Variants in HBS1L observed in about 807,000 individuals in gnomAD.
HBS1L encodes the protein HBS1-like protein.
Under a neutral mutation model 88.9 loss-of-function variants are expected in HBS1L, and 55 were observed. The observed-to-expected ratio is 0.62, with a 90% CI of 0.50 to 0.77. The LOEUF (loss-of-function observed/expected upper bound fraction) is 0.77. HBS1L is among the 30% of genes least tolerant of loss of function. The pLI is 0.00. For missense variants in HBS1L, 741 were observed against 829.3 expected (o/e 0.89, Z 1.31); for synonymous variants, 267 against 288.5 (o/e 0.93, Z 0.76).
intron 12 of HBS1L, 30 bp from the exon 13 acceptor site, chr6:134,982,592 A>G: frequency 7.8e-7 from 1 of 1,276,132 alleles, no homozygotes; most frequent in African/African-American, 1.5e-5. Flanking sequence ...CTTATGGTTC[A>G]TACAGCAATG....
At chr6:135,039,910 C>T (rs781765683) in intron 3 of HBS1L, 143 bp from the exon 4 acceptor site, 51 of 637,378 alleles carry the variant, frequency 8.0e-5, no homozygotes, top group Non-Finnish European at 1.2e-4. Context: ...CTCTAATGAT[C>T]GTATTTTTAT....
chr6:135,035,295 C>CA (rs1169236888), intron 4 of HBS1L, among the ~76,000 whole-genome samples: 1 of 148,850 alleles, frequency 6.7e-6, no homozygotes, highest in African/African-American at 2.5e-5. Flanking sequence ...ACTAAAAATA[C>CA]AAAAATCAGC....
intron 15 of HBS1L, among the ~76,000 whole-genome samples, chr6:134,970,008 C>T (rs563200450): frequency 6.6e-6 from 1 of 152,252 alleles, no homozygotes; most frequent in Non-Finnish European, 1.5e-5. Context: ...ATACTGGGTA[C>T]AAACATTGTA....
chr6:135,035,363 T>C lies in HBS1L; in HGVS notation c.430+4210A>G, dbSNP rs181736640. On this transcript the variant is annotated intron_variant, in intron 4 of 17. Coordinates refer to ENST00000367837, the MANE Select transcript of HBS1L (RefSeq NM_006620.4). ...TACTCAGGAGGCTGAGTCAGGAGAA[T>C]CACTTGAACCCGGGAGGCGGAGGCT... Among the ~76,000 whole-genome samples the C allele has an allele frequency of 6.6e-3, 1,000 of 150,840 alleles. 6 individuals are homozygous for C. Among genetic ancestry groups the C allele is most frequent in the Middle Eastern group, 0.021 (6 of 292 alleles).
intron 15 of HBS1L, among the ~76,000 whole-genome samples, chr6:134,976,532 A>T (rs1405915193): frequency 6.6e-6 from 1 of 152,156 alleles, no homozygotes; most frequent in South Asian, 2.1e-4. Flanking sequence ...ATGAGTGGAT[A>T]GAGAAAACGT....
intron 2 of HBS1L, among the ~76,000 whole-genome samples, chr6:135,042,440 CTGT>C (rs1388694335): frequency 1.3e-5 from 2 of 152,208 alleles, no homozygotes; most frequent in East Asian, 3.9e-4. Flanking sequence ...GTATACTATT[CTGT>C]GTTCCCTGAA....
At chr6:135,050,301 A>G (rs566312397) in intron 2 of HBS1L, among the ~76,000 whole-genome samples, 18 of 152,332 alleles carry the variant, frequency 1.2e-4, no homozygotes, top group African/African-American at 4.3e-4. Context: ...TATTGACTAA[A>G]TTACCATTTT....
chr6:135,048,339 C>T (rs115287800), intron 2 of HBS1L, among the ~76,000 whole-genome samples: 2 of 152,192 alleles, frequency 1.3e-5, no homozygotes, highest in South Asian at 2.1e-4. Context: ...CCAGACAACA[C>T]GACCAGCCAG....
At chr6:135,025,796 A>G (rs578079735) in intron 4 of HBS1L, among the ~76,000 whole-genome samples, 2 of 152,232 alleles carry the variant, frequency 1.3e-5, no homozygotes, top group Non-Finnish European at 2.9e-5. Context: ...ATGATATCAA[A>G]TATAGCAAAG....
chr6:135,022,475 C>T (rs1776100893), intron 4 of HBS1L, among the ~76,000 whole-genome samples: 1 of 152,022 alleles, frequency 6.6e-6, no homozygotes, highest in South Asian at 2.1e-4. Context: ...TTCAGTTTTT[C>T]CAGTGTAGGT....
At chr6:134,992,679 T>C (rs557228360) in intron 8 of HBS1L, among the ~76,000 whole-genome samples, 1 of 152,290 alleles carries the variant, frequency 6.6e-6, no homozygotes, top group South Asian at 2.1e-4. Flanking sequence ...CGTACAGCTG[T>C]ACAACGTTTG....
At chr6:134,982,348 A>G (rs1378423946) in intron 13 of HBS1L, 110 bp downstream of exon 13, 2 of 651,604 alleles carry the variant, frequency 3.1e-6, no homozygotes, top group Non-Finnish European at 5.6e-6. Context: ...ACAGTCAGTT[A>G]CAATTTCAGT....
intron 4 of HBS1L, among the ~76,000 whole-genome samples, chr6:135,007,014 TA>T (rs1775633593): frequency 6.6e-6 from 1 of 152,170 alleles, no homozygotes; most frequent in South Asian, 2.1e-4. Context: ...ATTTTGCACG[TA>T]AAAAATTTAT....
chr6:135,046,371 AG>A lies in HBS1L; in HGVS notation c.109+4210del, dbSNP rs1477390825. Among the ~76,000 whole-genome samples the A allele has an allele frequency of 1.0e-3, 153 of 150,046 alleles. 6 individuals carry two copies. Among genetic ancestry groups the A allele is most frequent in the Non-Finnish European group, 2.5e-4 (17 of 67,348 alleles). On this transcript the variant is annotated intron_variant, in intron 2 of 17. Transcript: ENST00000367837. ...AGTGTTTTTCTTACAAAAAAAAAAA[AG>A]AATATACAATAAAGGTGTGAAATTA... is the stretch of plus-strand genomic sequence containing the variant.
At chr6:135,013,131 A>G (rs1775819015) in intron 4 of HBS1L, among the ~76,000 whole-genome samples, 1 of 152,204 alleles carries the variant, frequency 6.6e-6, no homozygotes, top group African/African-American at 2.4e-5. Context: ...CCTCAAGTGA[A>G]TCACTCAACT....
At chr6:135,036,133 G>T in intron 4 of HBS1L, 1 of 680,056 alleles carries the variant, frequency 1.5e-6, no homozygotes, top group African/African-American at 1.9e-5. Context: ...TAACATCTCA[G>T]TTATGCTGTG....
intron 4 of HBS1L, among the ~76,000 whole-genome samples, chr6:135,008,554 T>A (rs1775676102): frequency 6.6e-6 from 1 of 152,206 alleles, no homozygotes; most frequent in South Asian, 2.1e-4. Flanking sequence ...TCCTGGTTCC[T>A]TCCTGCGGCT....
intron 2 of HBS1L, among the ~76,000 whole-genome samples, chr6:135,046,028 T>C (rs1291322962): frequency 6.6e-6 from 1 of 152,196 alleles, no homozygotes; most frequent in East Asian, 1.9e-4. Flanking sequence ...AAACACAAAA[T>C]TAGAAACTGT....
chr6:135,005,333 G>C (rs2114822685), intron 4 of HBS1L, among the ~76,000 whole-genome samples: 1 of 152,268 alleles, frequency 6.6e-6, no homozygotes, highest in East Asian at 1.9e-4. Flanking sequence ...GGACTGATAT[G>C]AGGCTATTTA....
Sources: gnomAD v4.1 joint callset for allele counts (sites outside exome capture counted in the v4.1 genomes callset) on GRCh38, gnomAD v4.1.1 for gene constraint, MANE v1.5 for transcripts, NCBI Gene and HGNC (gene_info 2026-07-23, HGNC 2026-07-21) for gene names.